Variants in LYPD6 observed in about 807,000 individuals in gnomAD.
LYPD6 encodes ly6/PLAUR domain-containing protein 6.
In LYPD6, 15 loss-of-function variants were observed where a neutral mutation model predicts 22.7. That is an observed-to-expected ratio of 0.66 (90% CI 0.44 to 1.02). LYPD6 has a LOEUF of 1.02. LYPD6 is among the 50% of genes least tolerant of loss of function. LYPD6 has a pLI of 0.00. For synonymous variants in LYPD6, 72 were observed against 77.5 expected (o/e 0.93, Z 0.37); for missense variants, 189 against 208.4 (o/e 0.91, Z 0.57).
At chr2:149,377,781 A>ACCCCCCCC (rs70994571) in intron 1 of LYPD6, among the ~76,000 whole-genome samples, 11 of 94,250 alleles carry the variant, frequency 1.2e-4, no homozygotes, top group Non-Finnish European at 1.8e-4. Flanking sequence ...CTTTGTCCCC[A>ACCCCCCCC]CCCCCCCCCC....
In LYPD6 at chr2:149,468,268, C is replaced by A. The variant is rs1479042768; in HGVS notation, c.218-377C>A. 4.0e-5 allele frequency among the ~76,000 whole-genome samples: 6 copies of A among 151,876 alleles called. No individual in the cohort carries two copies. The East Asian group carries it at 9.7e-4, about 24-fold the overall frequency. ...CATTTTAACCCTGAGTTCTTTGAAC[C>A]TCTTTGTCCTTTCATCTTCCTTAAA... is the stretch of plus-strand genomic sequence containing the variant. On this transcript the variant is annotated intron_variant, in intron 3 of 4. Coordinates refer to ENST00000334166, the MANE Select transcript of LYPD6 (RefSeq NM_194317.5).
intron 3 of LYPD6, among the ~76,000 whole-genome samples, chr2:149,466,380 A>G (rs1480696088): frequency 6.6e-6 from 1 of 152,302 alleles, no homozygotes; most frequent in African/African-American, 2.4e-5. Context: ...ATGCTTCAGC[A>G]CTGAGGTCTG....
At chr2:149,350,265 T>G (rs149725096) in intron 1 of LYPD6, among the ~76,000 whole-genome samples, 2 of 152,358 alleles carry the variant, frequency 1.3e-5, no homozygotes, top group East Asian at 3.9e-4. Flanking sequence ...TGTCAAAGGT[T>G]TTCATGGAGT....
intron 1 of LYPD6, among the ~76,000 whole-genome samples, chr2:149,363,016 T>C (rs190487799): frequency 6.6e-6 from 1 of 152,298 alleles, no homozygotes; most frequent in Non-Finnish European, 1.5e-5. Context: ...TCTTAAGTTT[T>C]TTGACCAGCT....
intron 1 of LYPD6, among the ~76,000 whole-genome samples, chr2:149,429,527 A>C (rs1302995322): frequency 1.3e-5 from 2 of 152,226 alleles, no homozygotes; most frequent in African/African-American, 4.8e-5. Context: ...GTTCTTAAAA[A>C]TGCTACTATC....
intron 1 of LYPD6, among the ~76,000 whole-genome samples, chr2:149,431,774 T>A (rs1019331479): frequency 1.3e-5 from 2 of 152,250 alleles, no homozygotes; most frequent in African/African-American, 2.4e-5. Context: ...GTGGGCTCTA[T>A]CAAAATTAAA....
chr2:149,351,567 T>G (rs186255087), intron 1 of LYPD6, among the ~76,000 whole-genome samples: 151 of 152,196 alleles, frequency 9.9e-4, no homozygotes, highest in African/African-American at 3.5e-3. Context: ...TGGAGGAAGA[T>G]TGCGTGTTCA....
At chr2:149,467,880 A>G (rs780098720) in intron 3 of LYPD6, among the ~76,000 whole-genome samples, 1 of 152,068 alleles carries the variant, frequency 6.6e-6, no homozygotes, top group Non-Finnish European at 1.5e-5. Context: ...AGTTCCCCCA[A>G]AGAATTTTGG....
At chr2:149,394,650 C>G (rs998070340) in intron 1 of LYPD6, among the ~76,000 whole-genome samples, 1 of 152,072 alleles carries the variant, frequency 6.6e-6, no homozygotes, top group Non-Finnish European at 1.5e-5. Flanking sequence ...CTTTCTGTCT[C>G]TCTCTACACA....
intron 1 of LYPD6, among the ~76,000 whole-genome samples, chr2:149,436,275 CTGTT>C (rs1683428803): frequency 6.6e-6 from 1 of 152,064 alleles, no homozygotes; most frequent in African/African-American, 2.4e-5. Context: ...AATATCAAAA[CTGTT>C]TGTTTTCAGC....
chr2:149,364,501 C>T (rs1269638351), intron 1 of LYPD6, among the ~76,000 whole-genome samples: 1 of 149,646 alleles, frequency 6.7e-6, no homozygotes, highest in African/African-American at 2.5e-5. Context: ...CTTTTGTTTA[C>T]TTGTCAGATA....
the LYPD6 span, among the ~76,000 whole-genome samples, chr2:149,483,410 G>A: frequency 6.6e-6 from 1 of 152,172 alleles, no homozygotes; most frequent in Non-Finnish European, 1.5e-5. Context: ...AAGGAAGAGA[G>A]GTTTTAATGC....
intron 3 of LYPD6, among the ~76,000 whole-genome samples, chr2:149,467,582 G>C (rs920849694): frequency 6.6e-6 from 1 of 152,262 alleles, no homozygotes; most frequent in Non-Finnish European, 1.5e-5. Context: ...TGGTGGGGGA[G>C]AGGGGAGGAA....
At position 149,407,544 on chromosome 2, in the gene LYPD6, A is replaced by G. The variant is rs1340237738; in HGVS notation, c.-71-30094A>G. On this transcript the variant is annotated intron_variant, in intron 1 of 4. Coordinates refer to ENST00000334166, the MANE Select transcript of LYPD6 (RefSeq NM_194317.5). The stretch of plus-strand genomic sequence containing the variant: ...TCGCGTCGGCTCCTGAAGCTTCTGC[A>G]TTCTTTGCGTAGTTCTGGAGCCTTG... Among the ~76,000 whole-genome samples, 11 of 152,164 alleles carry G rather than the reference A, an allele frequency of 7.2e-5. No homozygotes were observed. In the South Asian group the frequency reaches 1.0e-3, roughly 14 times the overall value.
At chr2:149,451,218 CTG>C (rs903360682) in intron 3 of LYPD6, among the ~76,000 whole-genome samples, 8 of 152,182 alleles carry the variant, frequency 5.3e-5, no homozygotes, top group African/African-American at 1.9e-4. Flanking sequence ...GGGAGGAACA[CTG>C]TGGCCTCACG....
chr2:149,417,429 ACAGT>A (rs1373472349), intron 1 of LYPD6, among the ~76,000 whole-genome samples: 8 of 152,258 alleles, frequency 5.3e-5, no homozygotes, highest in African/African-American at 9.6e-5. Context: ...AAGAAAAGAA[ACAGT>A]CAGACCAGCA....
chr2:149,332,689 TTTG>T (rs1403699565), intron 1 of LYPD6, among the ~76,000 whole-genome samples: 2 of 152,224 alleles, frequency 1.3e-5, no homozygotes, highest in African/African-American at 4.8e-5. Context: ...TACCTACTTC[TTTG>T]TTGTTTACCT....
upstream of LYPD6, chr2:149,330,364 G>A (rs1458569447): frequency 6.6e-6 from 1 of 151,616 alleles, no homozygotes; most frequent in Non-Finnish European, 1.5e-5. Context: ...GCTGGCCGGA[G>A]TTTGCAGACT....
intron 2 of LYPD6, 39 bp from the exon 3 acceptor site, chr2:149,449,010 G>A (rs763154792): frequency 6.9e-7 from 1 of 1,442,518 alleles, no homozygotes; most frequent in East Asian, 2.3e-5. Context: ...TCTGTGCCTT[G>A]TCTAAAAATT....
Sources: allele counts gnomAD v4.1 joint callset (sites outside exome capture counted in the v4.1 genomes callset), GRCh38; gene constraint gnomAD v4.1.1; transcripts MANE v1.5; gene names NCBI Gene and HGNC (gene_info 2026-07-23, HGNC 2026-07-21).